PPP1CB: variants seen among roughly 807,000 people sequenced by gnomAD.
PPP1CB encodes the protein protein phosphatase 1 catalytic subunit beta.
A neutral mutation model predicts 43.7 loss-of-function variants in PPP1CB; 2 were observed. The ratio of observed to expected loss-of-function variants is 0.05; its 90% CI spans 0.02 to 0.14. PPP1CB has a LOEUF of 0.14. Among genes scored for constraint, PPP1CB ranks in the 10% least tolerant of loss-of-function variants. The probability of loss-of-function intolerance (pLI) is 1.00; values close to 1 mark genes in which losing one functional copy is unlikely to be tolerated. For missense variants in PPP1CB, 84 were observed against 398.0 expected, an observed-to-expected ratio of 0.21 and a Z score of 6.71; for synonymous variants, 136 against 135.6, an observed-to-expected ratio of 1.00 and a Z score of -0.02.
At chr2:28,754,002 C>T (rs533387953) in intron 1 of PPP1CB, among the ~76,000 whole-genome samples, 6 of 152,146 alleles carry the variant, frequency 3.9e-5, no homozygotes, top group Non-Finnish European at 7.4e-5. Flanking sequence ...TCCCAAAGGG[C>T]TGGGATTACA....
chr2:28,751,948 C>G lies in PPP1CB; in HGVS notation c.-177C>G. 1.5e-6 allele frequency: 1 copy of G among 653,466 alleles called. No individual in the cohort carries two copies. The highest frequency in any genetic ancestry group is 2.7e-6 in the Non-Finnish European group (1 of 369,354). 40.5% of individuals were successfully genotyped at this position (653,466 alleles called of 1,614,324 possible). ...CCGTGGGTGCCTCCGAGTGTGCGCG[C>G]GCTCTCGCTACCCGGCGGGGAGGGG... On this transcript the variant is annotated 5_prime_UTR_variant, in exon 1 of 8. Transcript: ENST00000395366.
Position 28,799,360 on chromosome 2 carries a change from A to G in PPP1CB, c.*57A>G, listed in dbSNP as rs1667560131. 1.2e-5 allele frequency: 17 copies of G among 1,378,050 alleles called. No individual in the cohort carries two copies. Among genetic ancestry groups the G allele is most frequent in the Middle Eastern group, 1.8e-4 (1 of 5,614 alleles). 85.4% of individuals were successfully genotyped at this position (1,378,050 alleles called of 1,614,324 possible). A position where few individuals can be genotyped will look rare whatever the true frequency, so the allele number is the denominator to read the frequency against. ...TTGTTAAGGACATACTTCATAATAT[A>G]TAAGTGTGCACTGTAAAACCATCCA... On this transcript the variant is annotated 3_prime_UTR_variant, in exon 8 of 8. Coordinates refer to ENST00000395366, the MANE Select transcript of PPP1CB (RefSeq NM_002709.3).
chr2:28,787,515 A>AC (rs2148056064), intron 5 of PPP1CB, among the ~76,000 whole-genome samples: 1 of 152,258 alleles, frequency 6.6e-6, no homozygotes, highest in African/African-American at 2.4e-5. Context: ...AATCACCATC[A>AC]CCATCTCAAC....
chr2:28,800,254 T>TTTTTTTTTTTTTTTTTGA lies in PPP1CB; in HGVS notation c.*951_*952insTTTTTTTTTTTTTTTTGA, dbSNP rs1667586580. 1 of 135,602 alleles carries TTTTTTTTTTTTTTTTTGA rather than the reference T, an allele frequency of 7.4e-6. No homozygotes were observed. Among genetic ancestry groups the TTTTTTTTTTTTTTTTTGA allele is most frequent in the African/African-American group, 2.8e-5 (1 of 35,350 alleles). 8.4% of individuals were successfully genotyped at this position (135,602 alleles called of 1,614,324 possible). On this transcript the variant is annotated 3_prime_UTR_variant, in exon 8 of 8. Coordinates refer to ENST00000395366, the MANE Select transcript of PPP1CB (RefSeq NM_002709.3). ...TTTTTTTTTTTTTTTTTTTTTGAGTTGTTGTTTGTTTTTAGATCCACAGTA... is the reference window on the plus strand; with the variant it reads ...TTTTTTTTTTTTTTTTTTTTTGAGTTTTTTTTTTTTTTTTTTGAGTTGTTTGTTTTTAGATCCACAGTA...
intron 7 of PPP1CB, among the ~76,000 whole-genome samples, chr2:28,797,950 C>T (rs1206662418): frequency 6.6e-6 from 1 of 152,120 alleles, no homozygotes; most frequent in Non-Finnish European, 1.5e-5. Context: ...TTTCCCATTC[C>T]TCTTTCTCTT....
intron 5 of PPP1CB, among the ~76,000 whole-genome samples, chr2:28,785,082 T>G (rs1331617972): frequency 8.9e-6 from 1 of 112,664 alleles, no homozygotes; most frequent in African/African-American, 3.4e-5. Context: ...TTTTTTTTTT[T>G]TTTTTTTTTT....
intron 6 of PPP1CB, among the ~76,000 whole-genome samples, chr2:28,792,476 T>G (rs368374494): frequency 3.3e-5 from 5 of 152,060 alleles, no homozygotes. Flanking sequence ...AAGCCAAGAT[T>G]GCACCACTAC....
At chr2:28,785,053 TTG>T (rs1186882621) in intron 5 of PPP1CB, among the ~76,000 whole-genome samples, 4 of 145,758 alleles carry the variant, frequency 2.7e-5, no homozygotes, top group African/African-American at 1.0e-4. Flanking sequence ...TTGTAATAAA[TTG>T]TGTTAGGAGC....
At chr2:28,752,267 C>A (rs957925192) in intron 1 of PPP1CB, 91 bp downstream of exon 1, 10 of 1,200,550 alleles carry the variant, frequency 8.3e-6, no homozygotes, top group Non-Finnish European at 1.1e-5. Context: ...CGAGGGGACC[C>A]CTTTCCCGCC....
rs772259755 is a variant in PPP1CB, at chr2:28,778,800, T to C, written c.185-9T>C. ...CAATTTTTCTAAAACTGACTCTTTC[T>C]CTTTTTAGGAGATATTCATGGACAA... On this transcript the variant is annotated splice_polypyrimidine_tract_variant and intron_variant, in intron 2 of 7. Transcript: ENST00000395366. 6 of 1,539,410 alleles carry C rather than the reference T, an allele frequency of 3.9e-6. No individual in the cohort carries two copies. In the South Asian group the frequency reaches 6.8e-5, roughly 17 times the overall value.
intron 7 of PPP1CB, among the ~76,000 whole-genome samples, chr2:28,797,467 ATT>A (rs1386212413): frequency 2.0e-5 from 3 of 151,806 alleles, no homozygotes; most frequent in Admixed American, 2.0e-4. Flanking sequence ...TCTGTTCAGG[ATT>A]TTAATTTCCT....
In PPP1CB at chr2:28,793,991, A is replaced by T; in HGVS notation, c.873A>T (p.Ser291=). ...GTGTGGATGAAACTTTGATGTGTTC[A>T]TTTCAGGTATGATGTAAACATAAAT... ...MMSVDETLMC[S]FQILKPSEKK... is the part of the protein sequence containing the mutation. The change falls in exon 7 of 8, where the codon TCA becomes TCT. Residue 291 remains serine, a synonymous_variant. Transcript: ENST00000395366. 6.2e-7 allele frequency: 1 copy of T among 1,610,830 alleles called. No individual in the cohort carries two copies. Among genetic ancestry groups the T allele is most frequent in the Non-Finnish European group, 8.5e-7 (1 of 1,177,240 alleles).
intron 2 of PPP1CB, chr2:28,778,247 A>G (rs1408075724): frequency 2.5e-6 from 1 of 395,794 alleles, no homozygotes; most frequent in South Asian, 1.9e-5. Context: ...AAACTACCAG[A>G]TAATAAAATT....
intron 6 of PPP1CB, 23 bp downstream of exon 6, chr2:28,788,832 GC>G (rs1475560157): frequency 1.3e-6 from 2 of 1,563,608 alleles, no homozygotes; most frequent in Non-Finnish European, 1.7e-6. Flanking sequence ...AAACTCTTAA[GC>G]TTTTTCTTTT....
intron 1 of PPP1CB, among the ~76,000 whole-genome samples, chr2:28,760,715 T>C (rs1666622723): frequency 6.6e-6 from 1 of 152,216 alleles, no homozygotes; most frequent in African/African-American, 2.4e-5. Flanking sequence ...TTAGGTATAT[T>C]GGGTGTTACA....
At chr2:28,753,290 A>T (rs1559037981) in intron 1 of PPP1CB, among the ~76,000 whole-genome samples, 1 of 152,226 alleles carries the variant, frequency 6.6e-6, no homozygotes, top group Non-Finnish European at 1.5e-5. Context: ...TGCTAGAGTG[A>T]AGCAGTATGT....
At chr2:28,757,899 T>C (rs530871658) in intron 1 of PPP1CB, among the ~76,000 whole-genome samples, 2 of 151,982 alleles carry the variant, frequency 1.3e-5, no homozygotes, top group South Asian at 4.2e-4. Flanking sequence ...TTATTTAAAT[T>C]GAGTCTAGAG....
At chr2:28,791,182 A>G (rs1226727790) in intron 6 of PPP1CB, among the ~76,000 whole-genome samples, 1 of 151,628 alleles carries the variant, frequency 6.6e-6, no homozygotes, top group Non-Finnish European at 1.5e-5. Context: ...TCTTTCTTTG[A>G]TCCTAAGTGA....
rs1033429048 is a variant in PPP1CB at position 28,800,527 on chromosome 2, T to C, written c.*1224T>C. On this transcript the variant is annotated 3_prime_UTR_variant, in exon 8 of 8. Coordinates refer to ENST00000395366, the MANE Select transcript of PPP1CB (RefSeq NM_002709.3). ...TATGATACTGTATAGACAAGCTTTG[T>C]AGTGAAGTATAGTAGCAATAATTTC... is the stretch of plus-strand genomic sequence containing the variant. 1.6e-4 allele frequency: 24 copies of C among 152,548 alleles called. No individual in the cohort carries two copies. Among genetic ancestry groups the C allele is most frequent in the African/African-American group, 4.6e-4 (19 of 41,454 alleles). 9.4% of individuals were successfully genotyped at this position (152,548 alleles called of 1,614,324 possible). A position where few individuals can be genotyped will look rare whatever the true frequency, so the allele number is the denominator to read the frequency against.
Sources: gnomAD v4.1 joint callset for allele counts (sites outside exome capture counted in the v4.1 genomes callset) on GRCh38, gnomAD v4.1.1 for gene constraint, MANE v1.5 for transcripts, NCBI Gene and HGNC (gene_info 2026-07-23, HGNC 2026-07-21) for gene names.